The following TSHR variants were observed in gnomAD, a reference collection of about 807,000 sequenced individuals.
The protein encoded by TSHR is thyroid stimulating hormone receptor.
A neutral mutation model predicts 64.1 loss-of-function variants in TSHR; 51 were observed. The ratio of observed to expected loss-of-function variants is 0.80; its 90% CI spans 0.64 to 1.01. TSHR has a LOEUF of 1.01. Ranked by LOEUF, TSHR falls within the 50% of genes least tolerant of loss-of-function variation. The pLI is 0.00. For missense variants in TSHR, 877 were observed against 942.8 expected (o/e 0.93, Z 0.91); for synonymous variants, 361 against 361.9 (o/e 1.00, Z 0.03).
At chr14:81,135,224 G>GA (rs1315936365) in intron 8 of TSHR, among the ~76,000 whole-genome samples, 4 of 152,102 alleles carry the variant, frequency 2.6e-5, no homozygotes, top group African/African-American at 9.7e-5. Context: ...AGAAAATCAA[G>GA]AAAAAAGATG....
At chr14:81,074,805 T>A (rs1887376524) in intron 3 of TSHR, among the ~76,000 whole-genome samples, 1 of 152,234 alleles carries the variant, frequency 6.6e-6, no homozygotes, top group African/African-American at 2.4e-5. Flanking sequence ...CCTTCAAAAC[T>A]GACTTTTTTT....
intron 1 of TSHR, 105 bp downstream of exon 1, chr14:80,955,955 T>C: frequency 1.5e-6 from 2 of 1,376,488 alleles, no homozygotes; most frequent in South Asian, 2.4e-5. Flanking sequence ...AAGTAGTGTG[T>C]GAGTGTGTGT....
At position 81,103,214 on chromosome 14, in the gene TSHR, C is replaced by T. The variant is rs1889693505; in HGVS notation, c.615-5161C>T. 3.0e-6 allele frequency: 3 copies of T among 985,378 alleles called. No individual in the cohort carries two copies. The highest frequency in any genetic ancestry group is 9.4e-5 in the South Asian group (2 of 21,290). The allele number at this position is 985,378 out of a possible 1,614,324, so 61.0% of individuals were successfully genotyped here. On this transcript the variant is annotated intron_variant, in intron 7 of 9. Transcript: ENST00000298171. This position sits in a 1 kb window ranked among gnomAD's most constrained non-coding sequence, Gnocchi z 4.1. ...AATAGTATTCACATTGTGTTTTTAA[C>T]ATAGGGATGTTGCTTTTGGTGTCAA...
chr14:81,068,448 T>C, intron 3 of TSHR, 120 bp downstream of exon 3: 1 of 846,890 alleles, frequency 1.2e-6, no homozygotes, highest in South Asian at 1.4e-5. Flanking sequence ...CTTCTGTTTA[T>C]GATTAAATTA....
At position 81,029,544 on chromosome 14, in the gene TSHR, T is replaced by C. The variant is rs74889615; in HGVS notation, c.171-32604T>C. 5.5e-3 allele frequency among the ~76,000 whole-genome samples: 840 copies of C among 152,190 alleles called. 2 individuals are homozygous for C. The highest frequency in any genetic ancestry group is 0.019 in the African/African-American group (770 of 41,524). On this transcript the variant is annotated intron_variant, in intron 1 of 9. Transcript: ENST00000298171. ...GAGAGAAAATAAGTAAAAATATATG[T>C]GACTTGATTTTCAGTTTGAAAATGT... is the stretch of plus-strand genomic sequence containing the variant.
chr14:81,136,240 A>T (rs1471772144), intron 8 of TSHR, among the ~76,000 whole-genome samples: 3 of 152,224 alleles, frequency 2.0e-5, no homozygotes, highest in African/African-American at 2.4e-5. Context: ...TGAGGAATGG[A>T]TTGAAAAAGA....
Position 81,008,423 on chromosome 14 carries a change from T to C in TSHR, c.170+52573T>C, listed in dbSNP as rs781595503. Among the ~76,000 whole-genome samples the C allele has an allele frequency of 4.3e-3, 647 of 152,178 alleles. 3 individuals carry two copies. Among genetic ancestry groups the C allele is most frequent in the African/African-American group, 0.013 (559 of 41,528 alleles). ...TCCTGACTTCATGATCTGCCCACCT[T>C]GGCCTCCCAAAGTGCTGGGATTACA... On this transcript the variant is annotated intron_variant, in intron 1 of 9. Transcript: ENST00000298171.
intron 6 of TSHR, among the ~76,000 whole-genome samples, chr14:81,094,500 A>G (rs1888996615): frequency 6.6e-6 from 1 of 152,026 alleles, no homozygotes; most frequent in South Asian, 2.1e-4. Flanking sequence ...GGATATTGCA[A>G]TCCTCACCCA....
intron 1 of TSHR, among the ~76,000 whole-genome samples, chr14:81,014,906 T>G (rs1338710191): frequency 6.6e-6 from 1 of 152,214 alleles, no homozygotes; most frequent in Admixed American, 6.5e-5. Flanking sequence ...TACTTTAAGT[T>G]TAACTTTGTT....
chr14:81,092,339 T>C (rs1015694259), intron 5 of TSHR, among the ~76,000 whole-genome samples, 192 bp from the exon 6 acceptor site: 3 of 152,136 alleles, frequency 2.0e-5, no homozygotes, highest in African/African-American at 4.8e-5. Flanking sequence ...CAGGTGCATG[T>C]CATCTAGGAC....
At chr14:80,972,313 G>A in intron 1 of TSHR, among the ~76,000 whole-genome samples, 1 of 151,884 alleles carries the variant, frequency 6.6e-6, no homozygotes, top group Non-Finnish European at 1.5e-5. Flanking sequence ...GCTCAGTTAT[G>A]TGTTTGTATC....
chr14:81,039,343 C>CA (rs1396681356), intron 1 of TSHR, among the ~76,000 whole-genome samples: 1 of 151,848 alleles, frequency 6.6e-6, no homozygotes, highest in Non-Finnish European at 1.5e-5. Flanking sequence ...CATACCTTAA[C>CA]ATGATAAAGG....
intron 8 of TSHR, among the ~76,000 whole-genome samples, chr14:81,117,929 T>C (rs1890598945): frequency 2.7e-5 from 1 of 36,812 alleles, no homozygotes; most frequent in Admixed American, 3.2e-4. Context: ...AAAAACCACA[T>C]GATTATCTCA....
At chr14:81,100,263 G>C (rs1889490888) in intron 7 of TSHR, among the ~76,000 whole-genome samples, 1 of 152,146 alleles carries the variant, frequency 6.6e-6, no homozygotes, top group East Asian at 1.9e-4. Flanking sequence ...GGGGGCCTTA[G>C]TTTGCAGAGC....
intron 7 of TSHR, chr14:81,099,606 T>C (rs1230226910): frequency 6.6e-6 from 1 of 152,186 alleles, no homozygotes; most frequent in African/African-American, 2.4e-5. Flanking sequence ...CAGAGGACAA[T>C]CACATCAAGA....
At chr14:80,973,477 C>T (rs1419844779) in intron 1 of TSHR, among the ~76,000 whole-genome samples, 7 of 147,846 alleles carry the variant, frequency 4.7e-5, no homozygotes, top group Non-Finnish European at 7.5e-5. Context: ...CATACTTTCC[C>T]GTGTCGAAAG....
intron 1 of TSHR, among the ~76,000 whole-genome samples, chr14:80,989,379 T>A (rs1888619697): frequency 6.6e-6 from 1 of 152,240 alleles, no homozygotes; most frequent in African/African-American, 2.4e-5. Context: ...GTTGGGTCAA[T>A]GAATATCCGT....
chr14:81,042,368 G>A (rs1463029241), intron 1 of TSHR, among the ~76,000 whole-genome samples: 1 of 152,102 alleles, frequency 6.6e-6, no homozygotes, highest in Non-Finnish European at 1.5e-5. Flanking sequence ...ATTCACAAAA[G>A]CCAAGATATG....
intron 3 of TSHR, 59 bp from the exon 4 acceptor site, chr14:81,087,895 C>A: frequency 7.8e-7 from 1 of 1,277,768 alleles, no homozygotes; most frequent in Non-Finnish European, 1.1e-6. Context: ...GTTGTTTTGT[C>A]TTTGATAAGA....
Sources: allele counts gnomAD v4.1 joint callset (sites outside exome capture counted in the v4.1 genomes callset), GRCh38; gene constraint gnomAD v4.1.1; non-coding constraint Gnocchi (gnomAD v3.1); transcripts MANE v1.5; gene names NCBI Gene and HGNC (gene_info 2026-07-23, HGNC 2026-07-21).